The following PACSIN2 variants were observed in gnomAD, a reference collection of about 807,000 sequenced individuals.
PACSIN2 encodes the protein protein kinase C and casein kinase substrate in neurons 2, also known as protein kinase C and casein kinase substrate in neurons protein 2.
In PACSIN2, 25 loss-of-function variants were observed where a neutral mutation model predicts 63.8. The observed-to-expected ratio is 0.39, with a 90% CI of 0.29 to 0.55. The LOEUF is 0.55. PACSIN2 is among the 20% of genes least tolerant of loss of function. The probability of loss-of-function intolerance (pLI) is 0.62; values close to 1 mark genes in which losing one functional copy is unlikely to be tolerated. For missense variants in PACSIN2, 518 were observed against 646.9 expected, an observed-to-expected ratio of 0.80 and a Z score of 2.16; for synonymous variants, 255 against 256.2, an observed-to-expected ratio of 1.00 and a Z score of 0.05.
chr22:42,991,675 C>A (rs1436156807), intron 1 of PACSIN2, among the ~76,000 whole-genome samples: 1 of 152,186 alleles, frequency 6.6e-6, no homozygotes, highest in Non-Finnish European at 1.5e-5. Context: ...AAGCTGAGAA[C>A]AGTAAACAGT....
At chr22:42,898,733 C>T (rs535191004) in intron 2 of PACSIN2, among the ~76,000 whole-genome samples, 1 of 152,248 alleles carries the variant, frequency 6.6e-6, no homozygotes, top group East Asian at 1.9e-4. Flanking sequence ...TGCCCTCCTC[C>T]AGGCTGCACT....
At position 42,876,983 on chromosome 22, in the gene PACSIN2, G is replaced by C. The variant is rs749739163; in HGVS notation, c.1056C>G (p.Ala352=). 19 of 1,614,060 alleles carry C rather than the reference G, an allele frequency of 1.2e-5. No individual in the cohort carries two copies. Among genetic ancestry groups the C allele is most frequent in the Non-Finnish European group, 1.5e-5 (18 of 1,180,040 alleles). The part of the protein sequence containing the change: ...SSTLNVPSNP[A]QSAQSQSSYN... ...AGCTGGACTGTGACTGCGCAGACTG[G>C]GCGGGGTTGCTCGGGACATTAAGGG... is the stretch of plus-strand genomic sequence containing the variant. The change falls in exon 9 of 11, where the codon GCC becomes GCG. Residue 352 remains alanine, a synonymous_variant. Coordinates refer to ENST00000263246, the MANE Select transcript of PACSIN2 (RefSeq NM_001184970.3).
At chr22:42,943,314 T>A (rs1219651165) in intron 1 of PACSIN2, among the ~76,000 whole-genome samples, 1 of 152,226 alleles carries the variant, frequency 6.6e-6, no homozygotes, top group African/African-American at 2.4e-5. Context: ...TTTCTTTATA[T>A]AAGATCATGC....
At position 42,973,769 on chromosome 22, in the gene PACSIN2, G is replaced by A. The variant is rs182426506; in HGVS notation, c.-78+41252C>T. ...AGGCCTGGGCCCATCCTCCACTCCC[G>A]TCTCCATCATCCCTCATTGCCCTTG... On this transcript the variant is annotated intron_variant, in intron 1 of 10. Coordinates refer to ENST00000263246, the MANE Select transcript of PACSIN2 (RefSeq NM_001184970.3). Among the ~76,000 whole-genome samples the A allele has an allele frequency of 3.5e-4, 54 of 152,276 alleles. No individual in the cohort carries two copies. The East Asian group carries it at 9.5e-3, about 27-fold the overall frequency.
chr22:42,974,372 T>C (rs993940830), intron 1 of PACSIN2, among the ~76,000 whole-genome samples: 2 of 152,202 alleles, frequency 1.3e-5, no homozygotes, highest in African/African-American at 2.4e-5. Flanking sequence ...TAGGGAAGGA[T>C]GCCAGCTCCC....
At chr22:42,972,175 G>A (rs1370546463) in intron 1 of PACSIN2, among the ~76,000 whole-genome samples, 1 of 152,240 alleles carries the variant, frequency 6.6e-6, no homozygotes, top group Non-Finnish European at 1.5e-5. Flanking sequence ...AGATTCTTCT[G>A]CCTTGGGACG....
intron 1 of PACSIN2, among the ~76,000 whole-genome samples, chr22:42,998,398 C>T (rs1923553656): frequency 6.6e-6 from 1 of 152,178 alleles, no homozygotes; most frequent in African/African-American, 2.4e-5. Context: ...CCCCAACATG[C>T]CCTGACGCAT....
chr22:42,931,492 T>C (rs576262538), intron 1 of PACSIN2, among the ~76,000 whole-genome samples: 39 of 152,032 alleles, frequency 2.6e-4, no homozygotes, highest in Admixed American at 7.2e-4. Flanking sequence ...GAAGAGACCT[T>C]AGGTGATGGG....
At chr22:42,947,110 A>T (rs1215073214) in intron 1 of PACSIN2, 3 of 152,324 alleles carry the variant, frequency 2.0e-5, no homozygotes, top group Non-Finnish European at 4.4e-5. Context: ...AAACTCACAC[A>T]GGCCCAGATG....
Position 42,952,675 on chromosome 22 carries a change from T to A in PACSIN2, c.-77-40518A>T, listed in dbSNP as rs558788805. On this transcript the variant is annotated intron_variant, in intron 1 of 10. Transcript: ENST00000263246. The stretch of plus-strand genomic sequence containing the variant: ...ACCCGGCCTATTTATTTATTTTTTT[T>A]TTTTTGAGATGGAGTCTCGCTCTGT... Among the ~76,000 whole-genome samples the A allele has an allele frequency of 4.3e-3, 648 of 151,842 alleles. 5 individuals carry two copies. The highest frequency in any genetic ancestry group is 0.015 in the African/African-American group (601 of 41,404).
intron 1 of PACSIN2, among the ~76,000 whole-genome samples, chr22:42,988,935 A>G (rs1015618611): frequency 1.3e-5 from 2 of 152,142 alleles, no homozygotes; most frequent in East Asian, 3.9e-4. Flanking sequence ...ACTGGAGTGC[A>G]GTGGCGCAAT....
At chr22:42,907,686 G>A (rs558504851) in intron 2 of PACSIN2, among the ~76,000 whole-genome samples, 123 of 152,394 alleles carry the variant, frequency 8.1e-4, no homozygotes, top group African/African-American at 2.9e-3. Context: ...CGCTCGCTTC[G>A]TGCTTGCGCT....
intron 1 of PACSIN2, among the ~76,000 whole-genome samples, chr22:42,940,789 T>C (rs1335162503): frequency 6.6e-6 from 1 of 152,190 alleles, no homozygotes; most frequent in Admixed American, 6.5e-5. Flanking sequence ...AAGACCCAAA[T>C]GTGTCTGTCA....
rs183622177 is a variant in PACSIN2, at chr22:42,893,208, A to G, written c.217+249T>C. On this transcript the variant is annotated intron_variant, in intron 3 of 10. Transcript: ENST00000263246. ...AACTCGGCAAGTGCAAGTGTGTCCTATGGATGACAAGGGCTATAGTCCTGT... is the reference window on the plus strand; with the variant it reads ...AACTCGGCAAGTGCAAGTGTGTCCTGTGGATGACAAGGGCTATAGTCCTGT... Among the ~76,000 whole-genome samples, 181 of 152,338 alleles carry G rather than the reference A, an allele frequency of 1.2e-3. 2 individuals carry two copies. Among genetic ancestry groups the G allele is most frequent in the Non-Finnish European group, 2.0e-3 (138 of 68,030 alleles).
At chr22:42,923,224 G>C (rs1932309935) in intron 1 of PACSIN2, among the ~76,000 whole-genome samples, 2 of 152,178 alleles carry the variant, frequency 1.3e-5, no homozygotes, top group African/African-American at 2.4e-5. Flanking sequence ...ATGCACTGTT[G>C]CATGTCTTCT....
At chr22:42,966,573 T>G (rs565889580) in intron 1 of PACSIN2, among the ~76,000 whole-genome samples, 2 of 152,342 alleles carry the variant, frequency 1.3e-5, no homozygotes, top group Admixed American at 6.5e-5. Context: ...AAAGATTTTT[T>G]TAACAGTGAA....
At chr22:42,925,173 C>CT (rs1332125937) in intron 1 of PACSIN2, among the ~76,000 whole-genome samples, 3 of 151,978 alleles carry the variant, frequency 2.0e-5, no homozygotes, top group African/African-American at 7.3e-5. Flanking sequence ...TCTTGTCTGT[C>CT]TGACCCTCTA....
At chr22:42,928,977 C>A (rs544955864) in intron 1 of PACSIN2, among the ~76,000 whole-genome samples, 43 of 152,316 alleles carry the variant, frequency 2.8e-4, no homozygotes, top group African/African-American at 1.0e-3. Context: ...TCTTAGAGTT[C>A]TCTGAGTTTA....
intron 1 of PACSIN2, among the ~76,000 whole-genome samples, chr22:42,971,389 C>CT (rs1769671008): frequency 6.6e-6 from 1 of 152,216 alleles, no homozygotes; most frequent in South Asian, 2.1e-4. Flanking sequence ...ACTCAGTGCT[C>CT]TATGTTGCCC....
Sources: gnomAD v4.1 joint callset for allele counts (sites outside exome capture counted in the v4.1 genomes callset) on GRCh38, gnomAD v4.1.1 for gene constraint, MANE v1.5 for transcripts, NCBI Gene and HGNC (gene_info 2026-07-23, HGNC 2026-07-21) for gene names.